DPYD: variants seen among roughly 807,000 people sequenced by gnomAD.
DPYD encodes dihydropyrimidine dehydrogenase.
In DPYD, 109 loss-of-function variants were observed where a neutral mutation model predicts 116.2. The observed-to-expected ratio is 0.94, with a 90% CI of 0.80 to 1.10. The LOEUF (loss-of-function observed/expected upper bound fraction) is 1.10, where lower values mean the gene tolerates loss of function less well. DPYD is among the 50% of genes least tolerant of loss of function. The pLI, the probability that DPYD is intolerant of heterozygous loss-of-function variation, is 0.00. For missense variants in DPYD, 1,302 were observed against 1,254.5 expected (o/e 1.04, Z -0.57); for synonymous variants, 440 against 432.0 (o/e 1.02, Z -0.23).
intron 3 of DPYD, among the ~76,000 whole-genome samples, chr1:97,800,030 G>GA (rs1667771318): frequency 6.6e-6 from 1 of 151,800 alleles, no homozygotes; most frequent in Non-Finnish European, 1.5e-5. Flanking sequence ...ACAAGAACTA[G>GA]ACTATAGAAA....
chr1:97,497,550 T>A (rs1255725143), intron 13 of DPYD, among the ~76,000 whole-genome samples: 3 of 151,858 alleles, frequency 2.0e-5, no homozygotes, highest in Non-Finnish European at 4.4e-5. Flanking sequence ...AATAAGAATA[T>A]TAAGGAAATT....
At chr1:97,125,023 C>CT (rs1001513089) in intron 20 of DPYD, among the ~76,000 whole-genome samples, 8 of 151,934 alleles carry the variant, frequency 5.3e-5, no homozygotes, top group African/African-American at 1.2e-4. Flanking sequence ...CTTCAAAACT[C>CT]TTTTTTTAGA....
chr1:97,233,966 TA>T (rs1335188615), intron 19 of DPYD, among the ~76,000 whole-genome samples: 1 of 152,232 alleles, frequency 6.6e-6, no homozygotes, highest in Non-Finnish European at 1.5e-5. Context: ...AGAACAATGT[TA>T]ATTCTGATTG....
chr1:97,102,113 GTTAA>G (rs891124277), intron 20 of DPYD, among the ~76,000 whole-genome samples: 6 of 151,884 alleles, frequency 4.0e-5, no homozygotes, highest in Non-Finnish European at 8.8e-5. Context: ...TCAATCTAAA[GTTAA>G]TTGAGCATAT....
chr1:97,107,745 T>G (rs758086703), intron 20 of DPYD, among the ~76,000 whole-genome samples: 1 of 152,148 alleles, frequency 6.6e-6, no homozygotes, highest in Non-Finnish European at 1.5e-5. Flanking sequence ...AATCCAAGTC[T>G]GCCTGATAGA....
At chr1:97,151,830 A>C (rs1570558681) in intron 20 of DPYD, among the ~76,000 whole-genome samples, 2 of 152,184 alleles carry the variant, frequency 1.3e-5, no homozygotes, top group East Asian at 3.8e-4. Flanking sequence ...ATATGTTCCA[A>C]AATGCATTTT....
intron 20 of DPYD, among the ~76,000 whole-genome samples, chr1:97,132,955 A>G (rs1489862964): frequency 6.6e-6 from 1 of 151,994 alleles, no homozygotes; most frequent in African/African-American, 2.4e-5. Context: ...CCAATACTTG[A>G]TATTTCTTAA....
intron 16 of DPYD, among the ~76,000 whole-genome samples, chr1:97,352,216 G>A (rs551969492): frequency 9.2e-5 from 14 of 152,298 alleles, no homozygotes; most frequent in African/African-American, 3.4e-4. Flanking sequence ...GTGCCAATGT[G>A]GCGTGTCCAC....
At chr1:97,787,099 T>C (rs1041363982) in intron 3 of DPYD, among the ~76,000 whole-genome samples, 1 of 152,212 alleles carries the variant, frequency 6.6e-6, no homozygotes, top group Non-Finnish European at 1.5e-5. Context: ...AAATTGAACA[T>C]TTGGTCAATT....
At chr1:97,814,527 G>T (rs915640423) in intron 3 of DPYD, among the ~76,000 whole-genome samples, 6 of 152,070 alleles carry the variant, frequency 3.9e-5, no homozygotes, top group African/African-American at 1.4e-4. Context: ...AGCTTTAACA[G>T]GAATTTTTAT....
intron 11 of DPYD, among the ~76,000 whole-genome samples, chr1:97,563,224 C>A (rs185171400): frequency 6.6e-6 from 1 of 152,068 alleles, no homozygotes; most frequent in African/African-American, 2.4e-5. Flanking sequence ...CATCTCACAG[C>A]GGCTTAGTTT....
intron 3 of DPYD, among the ~76,000 whole-genome samples, chr1:97,756,034 T>C (rs1038639822): frequency 6.6e-6 from 1 of 152,144 alleles, no homozygotes; most frequent in African/African-American, 2.4e-5. Context: ...GAGGTAATTA[T>C]GACAAGCACC....
chr1:97,087,929 A>C (rs1014577830), intron 21 of DPYD, among the ~76,000 whole-genome samples: 1 of 152,032 alleles, frequency 6.6e-6, no homozygotes, highest in African/African-American at 2.4e-5. Context: ...ATATGTTGCT[A>C]TTTTTCCTAA....
At chr1:97,307,453 G>T (rs1388600637) in intron 16 of DPYD, among the ~76,000 whole-genome samples, 5 of 151,750 alleles carry the variant, frequency 3.3e-5, no homozygotes, top group Admixed American at 2.6e-4. Flanking sequence ...CCTTTAGAAA[G>T]AACCTTCTCA....
chr1:97,744,818 T>C (rs539191504), intron 3 of DPYD, among the ~76,000 whole-genome samples: 53 of 151,988 alleles, frequency 3.5e-4, no homozygotes, highest in Admixed American at 1.6e-3. Context: ...TACTGAAAAC[T>C]GAGCAGAATC....
intron 19 of DPYD, among the ~76,000 whole-genome samples, chr1:97,201,180 T>C (rs1659176116): frequency 6.6e-6 from 1 of 152,196 alleles, no homozygotes; most frequent in Non-Finnish European, 1.5e-5. Flanking sequence ...ATTAGTTAAT[T>C]ATTATGACAG....
chr1:97,440,014 G>A (rs994510078), intron 14 of DPYD, among the ~76,000 whole-genome samples: 1 of 151,626 alleles, frequency 6.6e-6, no homozygotes, highest in Non-Finnish European at 1.5e-5. Context: ...GGTGGCTCAC[G>A]CCTGTAATCC....
chr1:97,219,907 C>A (rs1431865588), intron 19 of DPYD, among the ~76,000 whole-genome samples: 1 of 152,156 alleles, frequency 6.6e-6, no homozygotes, highest in East Asian at 1.9e-4. Flanking sequence ...CATTTCCTAT[C>A]ATTCTCACCT....
At chr1:97,799,635 T>A (rs1031965660) in intron 3 of DPYD, among the ~76,000 whole-genome samples, 3 of 151,942 alleles carry the variant, frequency 2.0e-5, no homozygotes, top group African/African-American at 7.2e-5. Flanking sequence ...TGCTCTCCCA[T>A]GGAGCTTTCA....
Sources: gnomAD v4.1 joint callset for allele counts (sites outside exome capture counted in the v4.1 genomes callset) on GRCh38, gnomAD v4.1.1 for gene constraint, MANE v1.5 for transcripts, NCBI Gene and HGNC (gene_info 2026-07-23, HGNC 2026-07-21) for gene names.